YJU2B: variants seen among roughly 807,000 people sequenced by gnomAD.
YJU2B encodes YJU2 splicing factor homolog B, also known as probable splicing factor YJU2B.
YJU2B carries 18 observed loss-of-function variants against 38.0 expected under a neutral mutation model. The ratio of observed to expected loss-of-function variants is 0.47; its 90% CI spans 0.33 to 0.70. The LOEUF (loss-of-function observed/expected upper bound fraction) is 0.70. Among genes scored for constraint, YJU2B ranks in the 30% least tolerant of loss-of-function variants. The probability of loss-of-function intolerance (pLI) is 0.02; values close to 1 mark genes in which losing one functional copy is unlikely to be tolerated. For missense variants in YJU2B, 538 were observed against 556.3 expected, an observed-to-expected ratio of 0.97 and a Z score of 0.33; for synonymous variants, 246 against 225.4, an observed-to-expected ratio of 1.09 and a Z score of -0.82.
chr19:13,753,871 G>A (rs1333712299), intron 2 of YJU2B, among the ~76,000 whole-genome samples: 2 of 151,962 alleles, frequency 1.3e-5, no homozygotes, highest in Admixed American at 6.6e-5. Flanking sequence ...CCCATGACAC[G>A]TGGGGATTAT....
At chr19:13,741,868 C>T (rs1973103771) in intron 2 of YJU2B, among the ~76,000 whole-genome samples, 1 of 152,110 alleles carries the variant, frequency 6.6e-6, no homozygotes, top group Non-Finnish European at 1.5e-5. Flanking sequence ...TTTGGAAGTT[C>T]CCTTATTTGA....
At chr19:13,732,118 G>C (rs1972833475) in intron 1 of YJU2B, 1 of 152,262 alleles carries the variant, frequency 6.6e-6, no homozygotes, top group Non-Finnish European at 1.5e-5. Context: ...GGAGTGGTGG[G>C]CTGAAGAGTC....
intron 6 of YJU2B, 129 bp downstream of exon 6, chr19:13,757,975 T>C: frequency 3.9e-6 from 3 of 761,818 alleles, no homozygotes; most frequent in South Asian, 1.6e-5. Context: ...GGTTGGTGAA[T>C]CAGGGCACAC....
At chr19:13,745,698 T>TATAGATAG (rs1555699830), upstream of YJU2B, among the ~76,000 whole-genome samples, 2 of 126,894 alleles carry the variant, frequency 1.6e-5, no homozygotes, top group African/African-American at 3.1e-5. Context: ...TAGATATAGA[T>TATAGATAG]ATATAGATAT....
chr19:13,747,058 G>A (rs920568895), upstream of YJU2B, among the ~76,000 whole-genome samples: 1 of 152,136 alleles, frequency 6.6e-6, no homozygotes, highest in African/African-American at 2.4e-5. Flanking sequence ...GGTAATAAAA[G>A]TTGTCTCAGA....
intron 8 of YJU2B, 103 bp downstream of exon 8, chr19:13,759,375 C>G (rs763619707): frequency 5.6e-6 from 5 of 895,742 alleles, no homozygotes; most frequent in Non-Finnish European, 8.4e-6. Context: ...GGCCACTGTA[C>G]CCTCTGAGCC....
intron 4 of YJU2B, 49 bp from the exon 5 acceptor site, chr19:13,757,369 G>GGAGT (rs750171776): frequency 1.3e-6 from 2 of 1,528,958 alleles, no homozygotes; most frequent in African/African-American, 2.7e-5. Context: ...GGAGACCCAG[G>GGAGT]GAGTGTCCAA....
In YJU2B at chr19:13,762,801, G is replaced by T. The variant is rs1485094018; in HGVS notation, c.924G>T (p.Gln308His). ...CTCGGGACGTCCCGGAGAGCCCCCAGCATGCGGCCGACACCCCCAAGTCTG... is the reference window on the plus strand; with the variant it reads ...CTCGGGACGTCCCGGAGAGCCCCCATCATGCGGCCGACACCCCCAAGTCTG... ...RRSRDVPESP[Q>H]HAADTPKSGE... The change falls in exon 10 of 10, where the codon CAG (glutamine) becomes CAT (histidine). Residue 308 changes from glutamine (Q) to histidine (H), a missense_variant. Transcript: ENST00000221554. 6.2e-7 allele frequency: 1 copy of T among 1,602,380 alleles called. No homozygotes were observed. Among genetic ancestry groups the T allele is most frequent in the East Asian group, 2.3e-5 (1 of 44,206 alleles).
upstream of YJU2B, among the ~76,000 whole-genome samples, chr19:13,743,108 A>G (rs1431452440): frequency 7.3e-5 from 11 of 149,838 alleles, no homozygotes; most frequent in Non-Finnish European, 1.6e-4. Flanking sequence ...AGGGCAGCTC[A>G]TGCTTAAGAC....
At chr19:13,753,172 C>CT (rs1175992133) in intron 2 of YJU2B, among the ~76,000 whole-genome samples, 1 of 152,190 alleles carries the variant, frequency 6.6e-6, no homozygotes, top group African/African-American at 2.4e-5. Context: ...GCACTGTCCT[C>CT]TAAAATGTCC....
Position 13,759,158 on chromosome 19 carries a change from G to C in YJU2B, c.459G>C (p.Glu153Asp). 2 of 1,613,608 alleles carry C rather than the reference G, an allele frequency of 1.2e-6. No homozygotes were observed. Among genetic ancestry groups the C allele is most frequent in the Non-Finnish European group, 1.7e-6 (2 of 1,179,862 alleles). Residue 153 changes from glutamate (E) to aspartate (D), a missense_variant, in exon 8 of 10, where the codon GAG becomes GAC. Around this residue, in one of 2 missense-constraint regions of YJU2B, gnomAD observed 488 missense variants for 469.5 expected, o/e 1.04. Coordinates refer to ENST00000221554, the MANE Select transcript of YJU2B (RefSeq NM_030818.4). ...TDAMFRLEHGEADRSTLKKAL... is the reference protein window; with the variant it reads ...TDAMFRLEHGDADRSTLKKAL... ...CCATGTTCCGGCTGGAGCATGGCGAGGCCGACCGCAGCACACTCAAGAAGG... is the reference window on the plus strand; with the variant it reads ...CCATGTTCCGGCTGGAGCATGGCGACGCCGACCGCAGCACACTCAAGAAGG...
At chr19:13,741,728 CA>C (rs1973100761) in intron 2 of YJU2B, among the ~76,000 whole-genome samples, 1 of 148,186 alleles carries the variant, frequency 6.7e-6, no homozygotes, top group Admixed American at 6.6e-5. Context: ...GACCCTGTCT[CA>C]AACCAAACCA....
chr19:13,737,678 A>G (rs1368663665), intron 2 of YJU2B, among the ~76,000 whole-genome samples: 3 of 150,898 alleles, frequency 2.0e-5, no homozygotes, highest in African/African-American at 7.3e-5. Flanking sequence ...CCAGCTACTC[A>G]GGAGGCTGAG....
upstream of YJU2B, among the ~76,000 whole-genome samples, chr19:13,743,842 G>A (rs866283697): frequency 1.5e-4 from 23 of 148,640 alleles, 1 homozygote; most frequent in Middle Eastern, 0.015. Context: ...GCAGTGAGCC[G>A]AGACCACGCC....
chr19:13,757,884 G>A (rs764560476), intron 6 of YJU2B, 38 bp downstream of exon 6: 6 of 1,579,544 alleles, frequency 3.8e-6, no homozygotes, highest in Non-Finnish European at 5.2e-6. Context: ...AACAGGTGGG[G>A]TGGCCACAGG....
In YJU2B at chr19:13,740,599, G is replaced by A. The variant is rs563216982; in HGVS notation, c.-202+8314G>A. Among the ~76,000 whole-genome samples the A allele has an allele frequency of 7.9e-5, 12 of 152,160 alleles. No individual in the cohort carries two copies. The East Asian group carries it at 1.2e-3, about 15-fold the overall frequency. The stretch of plus-strand genomic sequence containing the variant: ...GTCACCCAGGCTAGAGTGTAGTGGC[G>A]CAATCTTGGCTCACTGCAACCTCTG... On this transcript the variant is annotated intron_variant, in intron 2 of 10. Transcript: ENST00000586600.
intron 2 of YJU2B, among the ~76,000 whole-genome samples, chr19:13,740,764 T>C (rs985400001): frequency 6.6e-6 from 1 of 152,144 alleles, no homozygotes; most frequent in African/African-American, 2.4e-5. Flanking sequence ...CTTGAACTCC[T>C]GACCTCGCGA....
Position 13,751,760 on chromosome 19 carries a change from G to C in YJU2B, c.-49G>C, listed in dbSNP as rs147406686. 809 of 1,612,748 alleles carry C rather than the reference G, an allele frequency of 5.0e-4. 2 individuals carry two copies. The African/African-American group carries it at 9.6e-3, about 19-fold the overall frequency. On this transcript the variant is annotated 5_prime_UTR_variant, in exon 2 of 10. Coordinates refer to ENST00000221554, the MANE Select transcript of YJU2B (RefSeq NM_030818.4). ...ACAGTGCAGTGTGTTCACAAGGCCAGTTTCTGATCGTCCGCCCCGAGGCTG... is the reference window on the plus strand; with the variant it reads ...ACAGTGCAGTGTGTTCACAAGGCCACTTTCTGATCGTCCGCCCCGAGGCTG...
rs761163580 is a variant in YJU2B, at chr19:13,762,424, C to A, written c.699C>A (p.Phe233Leu). 33 of 1,612,884 alleles carry A rather than the reference C, an allele frequency of 2.0e-5. No individual in the cohort carries two copies. Among genetic ancestry groups the A allele is most frequent in the Non-Finnish European group, 2.8e-5 (33 of 1,179,960 alleles). Residue 233 changes from phenylalanine to leucine, a missense_variant, in exon 9 of 10, where the codon TTC (phenylalanine) becomes TTA (leucine). Transcript: ENST00000221554. ...DDRKLAALLKFHTLDSYEDKQ... is the reference protein window; with the variant it reads ...DDRKLAALLKLHTLDSYEDKQ... Reference sequence around the variant, plus strand: ...GCAAGCTGGCGGCTCTGCTGAAGTTCCACACCCTGGACTGTGCGTAGGAGG... The same window carrying A: ...GCAAGCTGGCGGCTCTGCTGAAGTTACACACCCTGGACTGTGCGTAGGAGG...
Sources: gnomAD v4.1 joint callset for allele counts (sites outside exome capture counted in the v4.1 genomes callset) on GRCh38, gnomAD v4.1.1 for gene constraint, gnomAD v4.1.1 regional missense constraint, MANE v1.5 for transcripts, NCBI Gene and HGNC (gene_info 2026-07-23, HGNC 2026-07-21) for gene names.